Variants in FAM13C observed in about 807,000 individuals in gnomAD.
The protein encoded by FAM13C is family with sequence similarity 13 member C.
Under a neutral mutation model 73.2 loss-of-function variants are expected in FAM13C, and 37 were observed. The observed-to-expected ratio is 0.51, with a 90% CI of 0.39 to 0.67. FAM13C has a LOEUF of 0.67. Among genes scored for constraint, FAM13C ranks in the 30% least tolerant of loss-of-function variants. The pLI is 0.00. For synonymous variants in FAM13C, 246 were observed against 260.9 expected (o/e 0.94, Z 0.55); for missense variants, 589 against 715.6 (o/e 0.82, Z 2.02).
chr10:59,268,005 T>C (rs1843257085), intron 8 of FAM13C, among the ~76,000 whole-genome samples: 1 of 152,150 alleles, frequency 6.6e-6, no homozygotes, highest in East Asian at 1.9e-4. Flanking sequence ...TGAAAACTAG[T>C]GTCTCTCTGA....
intron 4 of FAM13C, among the ~76,000 whole-genome samples, chr10:59,307,326 A>G (rs1366548774): frequency 1.3e-5 from 2 of 152,168 alleles, no homozygotes; most frequent in Admixed American, 6.5e-5. Context: ...TGTGCTAGGC[A>G]ACGTACCTAG....
At chr10:59,280,515 T>C (rs1844809465) in intron 6 of FAM13C, among the ~76,000 whole-genome samples, 1 of 152,194 alleles carries the variant, frequency 6.6e-6, no homozygotes, top group Non-Finnish European at 1.5e-5. Context: ...GAACTTGACA[T>C]TATCTCCCAA....
chr10:59,308,492 T>C (rs960742344), intron 4 of FAM13C, among the ~76,000 whole-genome samples: 2 of 138,726 alleles, frequency 1.4e-5, no homozygotes, highest in South Asian at 4.7e-4. Context: ...GCCACTACCA[T>C]TGCCACCACC....
intron 3 of FAM13C, among the ~76,000 whole-genome samples, chr10:59,345,590 T>C (rs1854193826): frequency 1.3e-5 from 2 of 152,326 alleles, no homozygotes; most frequent in Admixed American, 1.3e-4. Flanking sequence ...GCCTTAACAA[T>C]AGACTTGTTA....
Position 59,247,420 on chromosome 10 carries a change from GT to G in FAM13C, c.*193del. 1 of 614,466 alleles carries G rather than the reference GT, an allele frequency of 1.6e-6. No homozygotes were observed. The highest frequency in any genetic ancestry group is 2.7e-6 in the Non-Finnish European group (1 of 364,280). 38.1% of individuals were successfully genotyped at this position (614,466 alleles called of 1,614,324 possible). On this transcript the variant is annotated 3_prime_UTR_variant, in exon 14 of 14. Transcript: ENST00000618804. The stretch of plus-strand genomic sequence containing the variant: ...TTTTTTCCCAATTATATGGCTACCT[GT>G]TGTATTCTTCCCCCCGTTTAAATCC...
chr10:59,346,364 G>A (rs1429985310), intron 3 of FAM13C, among the ~76,000 whole-genome samples: 1 of 152,136 alleles, frequency 6.6e-6, no homozygotes, highest in African/African-American at 2.4e-5. Context: ...TCTGTAGAAA[G>A]ATAAAAATGA....
At chr10:59,264,471 C>A (rs1842824581) in intron 8 of FAM13C, among the ~76,000 whole-genome samples, 1 of 152,148 alleles carries the variant, frequency 6.6e-6, no homozygotes, top group African/African-American at 2.4e-5. Flanking sequence ...CATGCCAGTG[C>A]CCCTGCAGTC....
intron 10 of FAM13C, among the ~76,000 whole-genome samples, chr10:59,254,924 C>T (rs1841805126): frequency 6.6e-6 from 1 of 152,070 alleles, no homozygotes; most frequent in African/African-American, 2.4e-5. Context: ...CTGTATGTAG[C>T]ACATGCCAGT....
At chr10:59,276,881 G>A (rs1310695724) in intron 6 of FAM13C, among the ~76,000 whole-genome samples, 1 of 152,180 alleles carries the variant, frequency 6.6e-6, no homozygotes, top group Non-Finnish European at 1.5e-5. Flanking sequence ...TTAACAATAT[G>A]CAGCTAAGGG....
At chr10:59,344,234 T>C (rs534928630) in intron 3 of FAM13C, among the ~76,000 whole-genome samples, 1 of 151,192 alleles carries the variant, frequency 6.6e-6, no homozygotes, top group East Asian at 2.0e-4. Flanking sequence ...AGTGCTGGGA[T>C]TACAGGCATG....
intron 5 of FAM13C, among the ~76,000 whole-genome samples, chr10:59,298,037 T>G (rs1391350904): frequency 6.6e-6 from 1 of 152,256 alleles, no homozygotes; most frequent in Non-Finnish European, 1.5e-5. Context: ...TTATCCATTT[T>G]TGCATTCCAG....
At chr10:59,264,528 A>G (rs966327286) in intron 8 of FAM13C, among the ~76,000 whole-genome samples, 1 of 152,138 alleles carries the variant, frequency 6.6e-6, no homozygotes, top group African/African-American at 2.4e-5. Context: ...TATATACCCC[A>G]TTGCCAGGCC....
At chr10:59,345,741 G>A (rs1244065808) in intron 3 of FAM13C, among the ~76,000 whole-genome samples, 1 of 152,194 alleles carries the variant, frequency 6.6e-6, no homozygotes, top group Non-Finnish European at 1.5e-5. Context: ...TCTTGGAAGA[G>A]TGAAGGAGAA....
At chr10:59,346,183 T>C (rs1386872025) in intron 3 of FAM13C, among the ~76,000 whole-genome samples, 3 of 129,242 alleles carry the variant, frequency 2.3e-5, no homozygotes, top group African/African-American at 8.3e-5. Flanking sequence ...GAAAACATAA[T>C]CTTAGTTCTT....
intron 5 of FAM13C, 28 bp downstream of exon 5, chr10:59,302,773 T>G: frequency 6.2e-7 from 1 of 1,602,260 alleles, no homozygotes; most frequent in Non-Finnish European, 8.5e-7. Flanking sequence ...TAATTCATGT[T>G]CTTATAACCA....
chr10:59,313,841 G>A lies in FAM13C; in HGVS notation c.443+10147C>T, dbSNP rs115578225. Among the ~76,000 whole-genome samples, 1,125 of 152,242 alleles carry A rather than the reference G, an allele frequency of 7.4e-3. 18 individuals carry two copies. Among genetic ancestry groups the A allele is most frequent in the African/African-American group, 0.026 (1,080 of 41,540 alleles). On this transcript the variant is annotated intron_variant, in intron 4 of 13. Transcript: ENST00000618804. ...ACCATAATGAAATATGGCCAAGAGAGGCGTGAGATTATAGAGGGCAAACCA... is the reference window on the plus strand; with the variant it reads ...ACCATAATGAAATATGGCCAAGAGAAGCGTGAGATTATAGAGGGCAAACCA...
At chr10:59,346,744 G>A (rs1418461609) in intron 3 of FAM13C, among the ~76,000 whole-genome samples, 2 of 152,246 alleles carry the variant, frequency 1.3e-5, no homozygotes, top group East Asian at 3.9e-4. Flanking sequence ...CCCCAAATTT[G>A]GTTGTCAGGG....
At chr10:59,356,726 A>C (rs976466518) in intron 1 of FAM13C, among the ~76,000 whole-genome samples, 3 of 152,196 alleles carry the variant, frequency 2.0e-5, no homozygotes, top group African/African-American at 7.2e-5. Context: ...TTGAGTATTA[A>C]TTTGATTGAA....
At chr10:59,262,824 G>A (rs1390868476) in intron 9 of FAM13C, among the ~76,000 whole-genome samples, 179 bp from the exon 10 acceptor site, 1 of 152,146 alleles carries the variant, frequency 6.6e-6, no homozygotes, top group Non-Finnish European at 1.5e-5. Context: ...CTCCCAATCG[G>A]GTGTGAAAAC....
Sources: allele counts gnomAD v4.1 joint callset (sites outside exome capture counted in the v4.1 genomes callset), GRCh38; gene constraint gnomAD v4.1.1; transcripts MANE v1.5; gene names NCBI Gene and HGNC (gene_info 2026-07-23, HGNC 2026-07-21).